Variants in PATJ observed in about 807,000 individuals in gnomAD.
The protein encoded by PATJ is inaD-like protein.
PATJ carries 190 observed loss-of-function variants against 224.9 expected under a neutral mutation model. The observed-to-expected ratio is 0.84, with a 90% confidence interval of 0.75 to 0.95. The LOEUF is 0.95. Among genes scored for constraint, PATJ ranks in the 40% least tolerant of loss-of-function variants. The probability of loss-of-function intolerance (pLI) is 0.00; values close to 1 mark genes in which losing one functional copy is unlikely to be tolerated. For missense variants in PATJ, 2,121 were observed against 2,270.3 expected (o/e 0.93, Z 1.34); for synonymous variants, 769 against 820.3 (o/e 0.94, Z 1.07).
chr1:62,000,630 C>G (rs1027018930), intron 28 of PATJ, among the ~76,000 whole-genome samples: 5 of 150,932 alleles, frequency 3.3e-5, no homozygotes, highest in African/African-American at 9.9e-5. Flanking sequence ...CAAGTCTTTG[C>G]TATTGTGAAT....
chr1:61,959,406 T>C (rs1571509755), intron 27 of PATJ, among the ~76,000 whole-genome samples: 1 of 137,924 alleles, frequency 7.3e-6, no homozygotes, highest in Non-Finnish European at 1.5e-5. Flanking sequence ...TGCCTATATA[T>C]ATATTATATA....
At position 61,884,307 on chromosome 1, in the gene PATJ, GC is replaced by G. The variant is rs769737329; in HGVS notation, c.3031del (p.Gln1011LysfsTer80). 4.3e-6 allele frequency: 7 copies of G among 1,613,586 alleles called. No homozygotes were observed. The highest frequency in any genetic ancestry group is 5.9e-6 in the Non-Finnish European group (7 of 1,179,870). ...DLPVVAQRRE[Q>X]EDLPLYQHQA... ...TTCCTGTTGTGGCTCAAAGGAGGGA[GC>G]AAGAAGATTTGCCTTTATATCAACA... On this transcript the variant is annotated frameshift_variant, in exon 22 of 44. Coordinates refer to ENST00000642238, the MANE Select transcript of PATJ (RefSeq NM_001350145.3). LOFTEE classifies it high-confidence loss of function.
At chr1:61,812,946 TCTC>T (rs1481790493) in intron 14 of PATJ, among the ~76,000 whole-genome samples, 2 of 152,056 alleles carry the variant, frequency 1.3e-5, no homozygotes, top group Non-Finnish European at 2.9e-5. Flanking sequence ...ACTCTAATCT[TCTC>T]TCCTTAGTAG....
chr1:61,897,128 A>G (rs747307521), intron 22 of PATJ, among the ~76,000 whole-genome samples: 5 of 152,238 alleles, frequency 3.3e-5, no homozygotes, highest in Non-Finnish European at 5.9e-5. Context: ...GAAAAAAATT[A>G]TAGAGGAAAT....
At chr1:62,041,733 A>G (rs1484557388) in intron 30 of PATJ, among the ~76,000 whole-genome samples, 2 of 152,186 alleles carry the variant, frequency 1.3e-5, no homozygotes, top group African/African-American at 4.8e-5. Context: ...GCTAGTATGT[A>G]AAATAAAGCA....
At chr1:61,952,307 AGAG>A (rs1160235408) in intron 27 of PATJ, 2 of 659,820 alleles carry the variant, frequency 3.0e-6, no homozygotes, top group African/African-American at 3.7e-5. Context: ...GTCAGAAGAG[AGAG>A]GAGTCTGTGG....
At chr1:62,038,703 T>A in intron 30 of PATJ, 1 of 305,822 alleles carries the variant, frequency 3.3e-6, no homozygotes, top group Non-Finnish European at 6.2e-6. Context: ...CTTTTCATAC[T>A]TTTTTCTTTG....
chr1:61,876,722 T>C (rs12745114), intron 21 of PATJ, among the ~76,000 whole-genome samples: 74,170 of 151,916 alleles, frequency 0.49, 18,926 homozygotes, highest in Non-Finnish European at 0.57. Flanking sequence ...AGAAATAGAC[T>C]AGCTATATGG....
chr1:62,004,343 T>C (rs915474796), intron 28 of PATJ, among the ~76,000 whole-genome samples: 1 of 152,214 alleles, frequency 6.6e-6, no homozygotes, highest in Non-Finnish European at 1.5e-5. Flanking sequence ...CAATGATTGT[T>C]AAGTGAATAA....
intron 1 of PATJ, among the ~76,000 whole-genome samples, chr1:61,745,998 C>T (rs1212096572): frequency 2.0e-5 from 3 of 152,118 alleles, no homozygotes; most frequent in East Asian, 1.9e-4. Flanking sequence ...AGTGCAGTGC[C>T]GCGATCTCCA....
In PATJ at chr1:61,886,753, G is replaced by T. The variant is rs184245199; in HGVS notation, c.3131+2345G>T. On this transcript the variant is annotated intron_variant, in intron 22 of 43. Transcript: ENST00000642238. The stretch of plus-strand genomic sequence containing the variant: ...GAAAATCACTTGAACCTGGGAGGTG[G>T]AGGTTGCAGTGAGCCGAGATCGTGC... Among the ~76,000 whole-genome samples, 2 of 149,810 alleles carry T rather than the reference G, an allele frequency of 1.3e-5. 1 individual carries two copies. The highest frequency in any genetic ancestry group is 3.9e-4 in the East Asian group (2 of 5,164).
intron 1 of PATJ, among the ~76,000 whole-genome samples, chr1:61,747,318 G>A (rs11207825): frequency 0.035 from 5,358 of 152,236 alleles, 306 homozygotes; most frequent in African/African-American, 0.12. Flanking sequence ...GGGATAGATC[G>A]ATGCTGAAGA....
intron 17 of PATJ, among the ~76,000 whole-genome samples, chr1:61,834,433 G>T (rs1160698658): frequency 6.6e-6 from 1 of 152,092 alleles, no homozygotes; most frequent in Non-Finnish European, 1.5e-5. Context: ...AATACATTTG[G>T]GGGAGGGAGA....
chr1:62,107,236 A>C (rs1185919454), intron 33 of PATJ, among the ~76,000 whole-genome samples: 1 of 151,398 alleles, frequency 6.6e-6, no homozygotes, highest in Non-Finnish European at 1.5e-5. Flanking sequence ...AACCCAGGAG[A>C]CGGAGCTTGC....
chr1:61,896,847 C>G (rs1402892695), intron 22 of PATJ, among the ~76,000 whole-genome samples: 28 of 152,142 alleles, frequency 1.8e-4, no homozygotes, highest in Admixed American at 1.8e-3. Context: ...ACCTTCCTTC[C>G]CCTTACCTTC....
chr1:62,110,453 C>T (rs1270490791), intron 34 of PATJ, among the ~76,000 whole-genome samples: 19 of 152,176 alleles, frequency 1.2e-4, no homozygotes. Context: ...TGAGAGTCCT[C>T]CGCATTCCGC....
chr1:61,936,877 C>T (rs10889272), intron 27 of PATJ, among the ~76,000 whole-genome samples: 81,849 of 151,936 alleles, frequency 0.54, 24,115 homozygotes, highest in East Asian at 0.81. Context: ...CACGCCTGGC[C>T]GAATGATACA....
At chr1:61,874,700 T>G (rs1022791876) in intron 20 of PATJ, among the ~76,000 whole-genome samples, 9 of 152,180 alleles carry the variant, frequency 5.9e-5, no homozygotes, top group African/African-American at 2.2e-4. Flanking sequence ...ATAAAAAACA[T>G]GTATATAAAA....
chr1:61,961,275 T>C (rs1681241902), intron 27 of PATJ, among the ~76,000 whole-genome samples: 1 of 152,224 alleles, frequency 6.6e-6, no homozygotes, highest in Non-Finnish European at 1.5e-5. Context: ...GGCACCCTTG[T>C]GCAGTGTACA....
Sources: allele counts gnomAD v4.1 joint callset (sites outside exome capture counted in the v4.1 genomes callset), GRCh38; gene constraint gnomAD v4.1.1; transcripts MANE v1.5; gene names NCBI Gene and HGNC (gene_info 2026-07-23, HGNC 2026-07-21).